The following MYO3A variants were observed in gnomAD, a reference collection of about 807,000 sequenced individuals.
MYO3A encodes the protein myosin IIIA.
MYO3A carries 180 observed loss-of-function variants against 192.7 expected under a neutral mutation model. The ratio of observed to expected loss-of-function variants is 0.93; its 90% CI spans 0.83 to 1.06. The LOEUF (loss-of-function observed/expected upper bound fraction) is 1.06. Among genes scored for constraint, MYO3A ranks in the 50% least tolerant of loss-of-function variants. The pLI, the probability that MYO3A is intolerant of heterozygous loss-of-function variation, is 0.00. For missense variants in MYO3A, 1,896 were observed against 1,905.0 expected, an observed-to-expected ratio of 1.00 and a Z score of 0.09; for synonymous variants, 628 against 645.3, an observed-to-expected ratio of 0.97 and a Z score of 0.41.
At chr10:26,104,617 A>T (rs1445503854) in intron 17 of MYO3A, among the ~76,000 whole-genome samples, 1 of 152,124 alleles carries the variant, frequency 6.6e-6, no homozygotes, top group Non-Finnish European at 1.5e-5. Flanking sequence ...AAATCCTCCT[A>T]CAACTTTGTT....
At chr10:26,161,107 A>C (rs1327818144) in intron 26 of MYO3A, among the ~76,000 whole-genome samples, 3 of 152,256 alleles carry the variant, frequency 2.0e-5, no homozygotes, top group African/African-American at 7.2e-5. Flanking sequence ...TTCTGAATAC[A>C]GGAAGTTCCA....
At chr10:25,985,173 G>C (rs970645300) in intron 4 of MYO3A, among the ~76,000 whole-genome samples, 2 of 150,798 alleles carry the variant, frequency 1.3e-5, no homozygotes, top group Non-Finnish European at 2.9e-5. Flanking sequence ...CGGAGGCAGA[G>C]GTTGCAGTGA....
chr10:26,137,305 C>A (rs1445481679), intron 20 of MYO3A, among the ~76,000 whole-genome samples: 1 of 152,020 alleles, frequency 6.6e-6, no homozygotes, highest in African/African-American at 2.4e-5. Context: ...AGTCAGGGAC[C>A]CTGAATGGAG....
chr10:26,071,728 A>T (rs897376211), intron 14 of MYO3A, among the ~76,000 whole-genome samples: 4 of 152,220 alleles, frequency 2.6e-5, no homozygotes, highest in African/African-American at 9.6e-5. Flanking sequence ...CACTTCACCA[A>T]AGAGGATATG....
chr10:26,123,980 TCGAG>T (rs1343155068), intron 18 of MYO3A, among the ~76,000 whole-genome samples: 2 of 151,904 alleles, frequency 1.3e-5, no homozygotes, highest in Admixed American at 1.3e-4. Context: ...TCCCAGGAGT[TCGAG>T]GCCAGCCTGG....
intron 17 of MYO3A, among the ~76,000 whole-genome samples, chr10:26,113,224 A>C (rs1170408839): frequency 6.6e-6 from 1 of 152,174 alleles, no homozygotes; most frequent in Non-Finnish European, 1.5e-5. Context: ...TAATCCTAGC[A>C]CTTTGGGAGA....
intron 23 of MYO3A, among the ~76,000 whole-genome samples, chr10:26,148,242 A>G (rs1589037407): frequency 6.6e-6 from 1 of 152,212 alleles, no homozygotes; most frequent in East Asian, 1.9e-4. Context: ...TCTCTGTTCT[A>G]TCACCATTTG....
At chr10:26,083,902 T>G (rs1266436624) in intron 14 of MYO3A, among the ~76,000 whole-genome samples, 1 of 152,222 alleles carries the variant, frequency 6.6e-6, no homozygotes, top group Non-Finnish European at 1.5e-5. Flanking sequence ...ATGAAAATGG[T>G]GATGCCAAAG....
chr10:26,144,588 T>G (rs974905160), intron 21 of MYO3A, among the ~76,000 whole-genome samples: 2 of 152,162 alleles, frequency 1.3e-5, no homozygotes, highest in African/African-American at 4.8e-5. Flanking sequence ...TTCAGCTGCC[T>G]TTAAGATCAT....
At chr10:26,087,461 A>T (rs901211518) in intron 14 of MYO3A, among the ~76,000 whole-genome samples, 1 of 152,194 alleles carries the variant, frequency 6.6e-6, no homozygotes, top group East Asian at 1.9e-4. Flanking sequence ...TACACTGAAA[A>T]TCTACTTAAG....
At chr10:25,965,306 G>T (rs1167744807) in intron 4 of MYO3A, among the ~76,000 whole-genome samples, 1 of 152,094 alleles carries the variant, frequency 6.6e-6, no homozygotes, top group Admixed American at 6.5e-5. Context: ...TTCCCTTATG[G>T]CCCAGAGTGT....
chr10:26,121,605 C>T (rs1371859691), intron 18 of MYO3A, among the ~76,000 whole-genome samples: 1 of 152,014 alleles, frequency 6.6e-6, no homozygotes, highest in African/African-American at 2.4e-5. Flanking sequence ...CAAAACTTAG[C>T]CAAGCATGGT....
chr10:26,174,505 C>T lies in MYO3A; in HGVS notation c.4241C>T (p.Ser1414Leu), dbSNP rs140248687. The T allele has an allele frequency of 8.7e-6, 14 of 1,613,816 alleles. No homozygotes were observed. The African/African-American group carries it at 1.1e-4, about 12-fold the overall frequency. Reference sequence around the variant, plus strand: ...ATCAAGAAGAAGGATAACAAAGACTCGAAAGCAACTTCAGAAAGAGAAGCA... The same window carrying T: ...ATCAAGAAGAAGGATAACAAAGACTTGAAAGCAACTTCAGAAAGAGAAGCA... ...NNIKKKDNKDSKATSEREACG... is the reference protein window; with the variant it reads ...NNIKKKDNKDLKATSEREACG... Residue 1414 changes from serine (S) to leucine (L), a missense_variant, in exon 30 of 35, where the codon TCG becomes TTG. By Grantham distance (145) the Ser-to-Leu change is moderately radical. Transcript: ENST00000642920.
In MYO3A at chr10:26,173,653, T is replaced by C; in HGVS notation, c.3399-10T>C. On this transcript the variant is annotated splice_polypyrimidine_tract_variant and intron_variant, in intron 29 of 34. Transcript: ENST00000642920. ...GTACTGTATATTCAAAGATAATATATTTTACACAGGGAATCTTTCGTGAAG... is the reference window on the plus strand; with the variant it reads ...GTACTGTATATTCAAAGATAATATACTTTACACAGGGAATCTTTCGTGAAG... The C allele has an allele frequency of 1.2e-6, 2 of 1,610,386 alleles. No individual in the cohort carries two copies. The highest frequency in any genetic ancestry group is 1.8e-4 in the Middle Eastern group (1 of 5,558).
chr10:25,963,207 C>T (rs908391693), intron 4 of MYO3A, among the ~76,000 whole-genome samples: 1 of 152,114 alleles, frequency 6.6e-6, no homozygotes, highest in African/African-American at 2.4e-5. Flanking sequence ...CTAAAGACTG[C>T]CAATTACAGG....
intron 10 of MYO3A, among the ~76,000 whole-genome samples, chr10:26,056,901 A>G (rs767694808): frequency 6.6e-6 from 1 of 152,142 alleles, no homozygotes; most frequent in African/African-American, 2.4e-5. Context: ...GAAGGAGATG[A>G]TGGTGTCATT....
intron 20 of MYO3A, 28 bp from the exon 21 acceptor site, chr10:26,143,420 G>T: frequency 5.0e-6 from 8 of 1,586,740 alleles, no homozygotes; most frequent in Non-Finnish European, 6.1e-6. Flanking sequence ...ATTATTCACA[G>T]TTTTAAGTGG....
intron 17 of MYO3A, among the ~76,000 whole-genome samples, chr10:26,102,446 G>A (rs1837517362): frequency 6.6e-6 from 1 of 152,208 alleles, no homozygotes; most frequent in Non-Finnish European, 1.5e-5. Context: ...TGCTGGTGAG[G>A]AGCTGCATTC....
At chr10:25,964,431 T>G (rs1415499395) in intron 4 of MYO3A, among the ~76,000 whole-genome samples, 1 of 152,146 alleles carries the variant, frequency 6.6e-6, no homozygotes, top group African/African-American at 2.4e-5. Flanking sequence ...AAGATGAACA[T>G]ATCACACTTT....
Sources: allele counts gnomAD v4.1 joint callset (sites outside exome capture counted in the v4.1 genomes callset), GRCh38; gene constraint gnomAD v4.1.1; transcripts MANE v1.5; gene names NCBI Gene and HGNC (gene_info 2026-07-23, HGNC 2026-07-21).